AMOTL1: variants seen among roughly 807,000 people sequenced by gnomAD.
The protein encoded by AMOTL1 is angiomotin like 1, also known as angiomotin-like protein 1.
In AMOTL1, 45 loss-of-function variants were observed where a neutral mutation model predicts 102.9. The observed-to-expected ratio is 0.44, with a 90% CI of 0.34 to 0.56. AMOTL1 has a LOEUF of 0.56. Ranked by LOEUF, AMOTL1 falls within the 20% of genes least tolerant of loss-of-function variation. AMOTL1 has a pLI of 0.01. For synonymous variants in AMOTL1, 481 were observed against 484.7 expected, an observed-to-expected ratio of 0.99 and a Z score of 0.10; for missense variants, 1,114 against 1,225.6, an observed-to-expected ratio of 0.91 and a Z score of 1.36.
rs1951423975 is a variant in AMOTL1 at position 94,799,325 on chromosome 11, A to G, written c.200-65A>G. 1.6e-6 allele frequency: 2 copies of G among 1,281,320 alleles called. No individual in the cohort carries two copies. The highest frequency in any genetic ancestry group is 2.1e-6 in the Non-Finnish European group (2 of 939,168). The allele number at this position is 1,281,320 out of a possible 1,614,324, so 79.4% of individuals were successfully genotyped here. On this transcript the variant is annotated intron_variant, in intron 2 of 12. Coordinates refer to ENST00000433060, the MANE Select transcript of AMOTL1 (RefSeq NM_130847.3). The surrounding 1 kb of genome is among the most constrained non-coding windows in gnomAD (Gnocchi z 4.5). Reference sequence around the variant, plus strand: ...AGTTAGAATGTTAATTATGTACCACATAGTCACAGACATATATCTCCTGTG... The same window carrying G: ...AGTTAGAATGTTAATTATGTACCACGTAGTCACAGACATATATCTCCTGTG...
At chr11:94,758,301 T>TCAC (rs999477817) in intron 3 of AMOTL1, among the ~76,000 whole-genome samples, 23 of 152,214 alleles carry the variant, frequency 1.5e-4, no homozygotes, top group African/African-American at 5.3e-4. Context: ...ATCAAAGTGG[T>TCAC]GGCAGGAGGT....
At chr11:94,797,223 A>G (rs946690846) in intron 2 of AMOTL1, among the ~76,000 whole-genome samples, 3 of 152,194 alleles carry the variant, frequency 2.0e-5, no homozygotes, top group African/African-American at 7.2e-5. Context: ...CTCTTGGTTT[A>G]TAGAGGAGGA....
chr11:94,752,810 A>G (rs1057358473), intron 3 of AMOTL1, among the ~76,000 whole-genome samples: 1 of 152,200 alleles, frequency 6.6e-6, no homozygotes, highest in Non-Finnish European at 1.5e-5. Context: ...CTGGTCTGGA[A>G]TGAATCCTGT....
intron 2 of AMOTL1, among the ~76,000 whole-genome samples, chr11:94,732,093 C>T (rs1950363596): frequency 6.6e-6 from 1 of 152,220 alleles, no homozygotes; most frequent in African/African-American, 2.4e-5. Flanking sequence ...CCTCACCTCT[C>T]CCCACCACTG....
chr11:94,767,942 T>A (rs544958498), upstream of AMOTL1, among the ~76,000 whole-genome samples: 2 of 152,132 alleles, frequency 1.3e-5, no homozygotes, highest in East Asian at 3.9e-4. Context: ...CTGAGAAAAG[T>A]GTGGCCACTT....
At chr11:94,742,582 T>C (rs907543207) in intron 3 of AMOTL1, among the ~76,000 whole-genome samples, 2 of 152,234 alleles carry the variant, frequency 1.3e-5, no homozygotes, top group Non-Finnish European at 2.9e-5. Flanking sequence ...AATATGAGTA[T>C]CCTTTCAAAT....
At chr11:94,706,654 G>T (rs938236535) in intron 1 of AMOTL1, 1 of 152,214 alleles carries the variant, frequency 6.6e-6, no homozygotes, top group Non-Finnish European at 1.5e-5. Context: ...ACGAGGGGGG[G>T]ATTTTGGAAG....
At chr11:94,718,177 A>T (rs1452606618) in intron 1 of AMOTL1, among the ~76,000 whole-genome samples, 1 of 151,936 alleles carries the variant, frequency 6.6e-6, no homozygotes, top group Non-Finnish European at 1.5e-5. Flanking sequence ...TTTCTTGGAA[A>T]AAAATTGGAC....
chr11:94,759,721 A>G (rs1310856340), intron 3 of AMOTL1, among the ~76,000 whole-genome samples: 1 of 152,200 alleles, frequency 6.6e-6, no homozygotes. Context: ...GGGTAATAAT[A>G]TCTGCCATAC....
At chr11:94,716,851 G>C (rs569378497) in intron 1 of AMOTL1, among the ~76,000 whole-genome samples, 31 of 152,274 alleles carry the variant, frequency 2.0e-4, no homozygotes, top group African/African-American at 7.5e-4. Flanking sequence ...CAGCATGTGT[G>C]GGGTGGGGAA....
At chr11:94,770,249 G>T (rs573723906) in intron 1 of AMOTL1, among the ~76,000 whole-genome samples, 27 of 152,300 alleles carry the variant, frequency 1.8e-4, no homozygotes, top group Middle Eastern at 3.4e-3. Flanking sequence ...AAGGTGCTCT[G>T]AGCCTTATAG....
intron 3 of AMOTL1, among the ~76,000 whole-genome samples, chr11:94,818,619 T>C (rs776815054): frequency 2.0e-5 from 3 of 152,226 alleles, no homozygotes; most frequent in Non-Finnish European, 4.4e-5. Flanking sequence ...AGAAAAATTA[T>C]GTTTCAAAAT....
intron 8 of AMOTL1, among the ~76,000 whole-genome samples, chr11:94,858,681 C>T (rs1379823812): frequency 4.6e-5 from 7 of 152,214 alleles, no homozygotes; most frequent in African/African-American, 1.7e-4. Context: ...GGTCCACACT[C>T]TGACTGGGCC....
Position 94,869,347 on chromosome 11 carries a change from G to T in AMOTL1, c.2638G>T (p.Asp880Tyr). 2.5e-6 allele frequency: 4 copies of T among 1,611,634 alleles called. No individual in the cohort carries two copies. The highest frequency in any genetic ancestry group is 3.4e-6 in the Non-Finnish European group (4 of 1,178,976). The change falls in exon 12 of 13, where the codon GAC becomes TAC. Residue 880 changes from aspartate to tyrosine, a missense_variant. Physicochemically the swap from Asp to Tyr is radical, Grantham distance 160. Transcript: ENST00000433060. ...CAGCAAGGACAGCAGCACACAGACT[G>T]ACAAGAGTGCCGAGCTCTTCTGGCC... is the stretch of plus-strand genomic sequence containing the variant. Reference protein sequence around the residue: ...TGSKDSSTQTDKSAELFWPSM... With the variant: ...TGSKDSSTQTYKSAELFWPSM...
At chr11:94,840,348 C>G (rs1342213022) in intron 6 of AMOTL1, among the ~76,000 whole-genome samples, 1 of 151,812 alleles carries the variant, frequency 6.6e-6, no homozygotes, top group Non-Finnish European at 1.5e-5. Context: ...TGGTCGTAGA[C>G]CATTAAAAAT....
intron 1 of AMOTL1, among the ~76,000 whole-genome samples, chr11:94,718,398 CTTAT>C (rs1222990730): frequency 1.3e-5 from 2 of 151,850 alleles, no homozygotes; most frequent in East Asian, 1.9e-4. Flanking sequence ...TTTGTGTGCA[CTTAT>C]TTTGTAATTG....
At chr11:94,779,860 TA>T (rs56257505) in intron 1 of AMOTL1, among the ~76,000 whole-genome samples, 135,655 of 151,962 alleles carry the variant, frequency 0.89, 61,300 homozygotes, top group Non-Finnish European at 0.98. Flanking sequence ...TTGGCCTTTT[TA>T]AAAAAAAAAA....
rs570821601 is a variant in AMOTL1 at position 94,754,247 on chromosome 11, A to C, written c.136+13259A>C. Among the ~76,000 whole-genome samples, 158 of 152,286 alleles carry C rather than the reference A, an allele frequency of 1.0e-3. 1 individual carries two copies. The highest frequency in any genetic ancestry group is 3.6e-3 in the African/African-American group (149 of 41,568). ...CGACTCAGTCATGGAGGTCAAGGAG[A>C]GGCCAGGCTGGCTTTCCAGATGAGA... On this transcript the variant is annotated intron_variant, in intron 3 of 4. Coordinates refer to the AMOTL1 transcript ENST00000299004.
chr11:94,816,778 G>A (rs541011993), intron 3 of AMOTL1, among the ~76,000 whole-genome samples: 3 of 152,222 alleles, frequency 2.0e-5, no homozygotes, highest in East Asian at 1.9e-4. Context: ...CTTCAGATCC[G>A]GTAGAAGATG....
Sources: gnomAD v4.1 joint callset for allele counts (sites outside exome capture counted in the v4.1 genomes callset) on GRCh38, gnomAD v4.1.1 for gene constraint, Gnocchi (gnomAD v3.1) non-coding constraint, MANE v1.5 for transcripts, NCBI Gene and HGNC (gene_info 2026-07-23, HGNC 2026-07-21) for gene names.